Variants in FAM83A observed in about 807,000 individuals in gnomAD.
FAM83A encodes protein FAM83A.
Under a neutral mutation model 24.4 loss-of-function variants are expected in FAM83A, and 21 were observed. The observed-to-expected ratio is 0.86, with a 90% confidence interval of 0.61 to 1.24. FAM83A has a LOEUF of 1.24. Ranked by LOEUF, FAM83A falls within the 50% of genes most tolerant of loss-of-function variation. FAM83A has a pLI of 0.00. For missense variants in FAM83A, 617 were observed against 579.8 expected, an observed-to-expected ratio of 1.06 and a Z score of -0.66; for synonymous variants, 270 against 252.4, an observed-to-expected ratio of 1.07 and a Z score of -0.66.
upstream of FAM83A, among the ~76,000 whole-genome samples, chr8:123,181,022 C>T (rs552771536): frequency 1.8e-3 from 270 of 152,264 alleles, 1 homozygote; most frequent in African/African-American, 6.4e-3. Flanking sequence ...TGGCTCATTG[C>T]AGCCTCTGCC....
At chr8:123,179,802 C>T (rs891869629), upstream of FAM83A, 1 of 152,164 alleles carries the variant, frequency 6.6e-6, no homozygotes, top group African/African-American at 2.4e-5. Context: ...ATGGTCCCTA[C>T]AGGATACTCA....
At chr8:123,208,965 GAA>G (rs371147342) in exon 4 of FAM83A, 1,130 of 879,824 alleles carry the variant, frequency 1.3e-3, no homozygotes, top group Middle Eastern at 1.7e-3. Context: ...CTCCGTCACA[GAA>G]AAAAAAAAAA....
chr8:123,200,339 A>G (rs544229043), intron 3 of FAM83A, among the ~76,000 whole-genome samples: 1 of 152,330 alleles, frequency 6.6e-6, no homozygotes, highest in East Asian at 1.9e-4. Flanking sequence ...TGAAGTAGAA[A>G]AGGAAGAAGG....
At chr8:123,182,291 A>T (rs1426062538), upstream of FAM83A, 1 of 365,712 alleles carries the variant, frequency 2.7e-6, no homozygotes, top group African/African-American at 2.1e-5. Flanking sequence ...GCCCGTGTCC[A>T]GCTCCCTCCT....
At chr8:123,193,886 A>G (rs1198405983) in intron 2 of FAM83A, 138 bp from the exon 3 acceptor site, 6 of 1,071,156 alleles carry the variant, frequency 5.6e-6, no homozygotes, top group Non-Finnish European at 7.9e-6. Flanking sequence ...CAAAGGCCCC[A>G]CCTTCTAGTA....
At chr8:123,182,367 T>G (rs1823623811), upstream of FAM83A, 1 of 356,516 alleles carries the variant, frequency 2.8e-6, no homozygotes, top group East Asian at 7.4e-5. Flanking sequence ...TTCTTATCTT[T>G]GAAACAGCAT....
At chr8:123,182,718 C>A in exon 1 of FAM83A, 2 of 1,242,394 alleles carry the variant, frequency 1.6e-6, no homozygotes, top group Non-Finnish European at 2.3e-6. Context: ...CTTGGAGGTG[C>A]CCTGCACGCC....
chr8:123,207,753 A>G (rs1265799247), exon 4 of FAM83A: 60 of 1,410,532 alleles, frequency 4.3e-5, no homozygotes, highest in Non-Finnish European at 5.4e-5. Flanking sequence ...CCAAAGACCC[A>G]CCTCAACGAC....
At chr8:123,206,837 C>T (rs1036743059) in intron 3 of FAM83A, among the ~76,000 whole-genome samples, 1 of 152,124 alleles carries the variant, frequency 6.6e-6, no homozygotes, top group Non-Finnish European at 1.5e-5. Flanking sequence ...GTCCCTGCCC[C>T]GAGGGGACCC....
chr8:123,203,286 G>A (rs1243920206), intron 3 of FAM83A, among the ~76,000 whole-genome samples: 3 of 151,616 alleles, frequency 2.0e-5, no homozygotes, highest in African/African-American at 7.3e-5. Context: ...TAAGAATGTT[G>A]GTTCATTGAA....
chr8:123,200,960 A>AT (rs1048139338), intron 3 of FAM83A, among the ~76,000 whole-genome samples: 9 of 107,890 alleles, frequency 8.3e-5, no homozygotes, highest in African/African-American at 3.2e-4. Flanking sequence ...AAATAAACAA[A>AT]AAAAAAAAAT....
chr8:123,193,881 GC>G, intron 2 of FAM83A, 142 bp from the exon 3 acceptor site: 1 of 998,482 alleles, frequency 1.0e-6, no homozygotes, highest in Non-Finnish European at 1.4e-6. Context: ...CCTCCCAAAG[GC>G]CCCACCTTCT....
At chr8:123,206,473 C>T (rs1360294354) in intron 3 of FAM83A, among the ~76,000 whole-genome samples, 1 of 152,192 alleles carries the variant, frequency 6.6e-6, no homozygotes, top group Non-Finnish European at 1.5e-5. Context: ...CAGGGGCTTT[C>T]CCGACCCCTG....
chr8:123,202,719 G>A (rs918734758), intron 3 of FAM83A: 5 of 152,692 alleles, frequency 3.3e-5, no homozygotes, highest in Middle Eastern at 3.4e-3. Flanking sequence ...TTAGCGGGGT[G>A]TGAAATCAAT....
At chr8:123,200,957 CAAAAAA>C (rs11322028) in intron 3 of FAM83A, among the ~76,000 whole-genome samples, 2 of 127,308 alleles carry the variant, frequency 1.6e-5, no homozygotes, top group African/African-American at 3.2e-5. Context: ...AACAAATAAA[CAAAAAA>C]AAAAAATATA....
Position 123,182,918 on chromosome 8 carries a change from G to A in FAM83A, c.62G>A (p.Trp21Ter). Residue 21 changes from tryptophan to a stop codon, truncating the protein, a stop_gained, in exon 1 of 4, where the codon TGG (tryptophan) becomes TAG (stop). Transcript: ENST00000690554. LOFTEE classifies it high-confidence loss of function. ...CGTCTGGAAGATGTCAAGAGCCAGT[G>A]GGTCCGGCCAGCCAGGGCTGACTTT... 1 of 1,544,806 alleles carries A rather than the reference G, an allele frequency of 6.5e-7. No homozygotes were observed. The highest frequency in any genetic ancestry group is 8.7e-7 in the Non-Finnish European group (1 of 1,147,604).
chr8:123,185,741 T>C (rs1823769599), intron 1 of FAM83A, among the ~76,000 whole-genome samples: 1 of 152,204 alleles, frequency 6.6e-6, no homozygotes, highest in Admixed American at 6.5e-5. Flanking sequence ...GTTATAATTA[T>C]TGGTTAACAG....
intron 1 of FAM83A, among the ~76,000 whole-genome samples, chr8:123,184,959 C>A (rs1170544940): frequency 6.6e-6 from 1 of 152,188 alleles, no homozygotes. Context: ...CCAGATAAAC[C>A]ATCCAAGGGT....
intron 3 of FAM83A, among the ~76,000 whole-genome samples, chr8:123,203,298 G>A (rs913065539): frequency 6.6e-6 from 1 of 151,554 alleles, no homozygotes; most frequent in Admixed American, 6.6e-5. Context: ...TTCATTGAAA[G>A]ACATCTTGGC....
Sources: allele counts gnomAD v4.1 joint callset (sites outside exome capture counted in the v4.1 genomes callset), GRCh38; gene constraint gnomAD v4.1.1; transcripts MANE v1.5; gene names NCBI Gene and HGNC (gene_info 2026-07-23, HGNC 2026-07-21).